GALNT13: variants seen among roughly 807,000 people sequenced by gnomAD.
GALNT13 encodes UDP-GalNAc:polypeptide N-acetylgalactosaminyltransferase 13.
A neutral mutation model predicts 64.2 loss-of-function variants in GALNT13; 28 were observed. The ratio of observed to expected loss-of-function variants is 0.44; its 90% confidence interval spans 0.32 to 0.60. The LOEUF (loss-of-function observed/expected upper bound fraction) is 0.60, where lower values mean the gene tolerates loss of function less well. Among genes scored for constraint, GALNT13 ranks in the 20% least tolerant of loss-of-function variants. The pLI is 0.05. For missense variants in GALNT13, 577 were observed against 669.8 expected (o/e 0.86, Z 1.53); for synonymous variants, 214 against 224.6 (o/e 0.95, Z 0.42).
the GALNT13 span, among the ~76,000 whole-genome samples, chr2:153,601,390 A>G: frequency 6.6e-6 from 1 of 151,854 alleles, no homozygotes; most frequent in East Asian, 1.9e-4. Flanking sequence ...GCAAACTATA[A>G]TAAGAAAGAA....
chr2:154,117,693 A>G (rs534545701), intron 3 of GALNT13, among the ~76,000 whole-genome samples: 1 of 152,302 alleles, frequency 6.6e-6, no homozygotes, highest in African/African-American at 2.4e-5. Flanking sequence ...AAATATTTAC[A>G]GCCAACTGAT....
At chr2:153,282,480 C>G in the GALNT13 span, among the ~76,000 whole-genome samples, 1 of 152,152 alleles carries the variant, frequency 6.6e-6, no homozygotes, top group Non-Finnish European at 1.5e-5. Flanking sequence ...GTGGTGTGGT[C>G]ACAGCTCACT....
chr2:153,687,848 TAAAG>T, the GALNT13 span, among the ~76,000 whole-genome samples: 4 of 151,862 alleles, frequency 2.6e-5, no homozygotes, highest in Admixed American at 6.6e-5. Flanking sequence ...TTACCAAAAA[TAAAG>T]AAAGAAAGTA....
chr2:154,327,539 G>A (rs1694942776), intron 9 of GALNT13, among the ~76,000 whole-genome samples: 2 of 151,918 alleles, frequency 1.3e-5, no homozygotes. Context: ...GTCATCCTTG[G>A]GCCCAACTCT....
the GALNT13 span, among the ~76,000 whole-genome samples, chr2:153,782,938 C>A: frequency 6.6e-6 from 1 of 152,160 alleles, no homozygotes; most frequent in Non-Finnish European, 1.5e-5. Flanking sequence ...TGTCAACACC[C>A]AGGTGAGCGT....
the GALNT13 span, chr2:153,477,732 C>G: frequency 2.6e-5 from 4 of 155,384 alleles, no homozygotes; most frequent in Non-Finnish European, 5.7e-5. Context: ...ATTTATCGCC[C>G]CTCCCCTCCA....
At chr2:153,699,444 G>A in the GALNT13 span, among the ~76,000 whole-genome samples, 30 of 152,030 alleles carry the variant, frequency 2.0e-4, no homozygotes, top group African/African-American at 6.8e-4. Context: ...AGAAGCAAGA[G>A]CAAACAAATC....
chr2:153,803,217 T>C, the GALNT13 span, among the ~76,000 whole-genome samples: 1 of 152,176 alleles, frequency 6.6e-6, no homozygotes. Context: ...CATTGTTTTA[T>C]TTCAAATAGT....
intron 3 of GALNT13, among the ~76,000 whole-genome samples, chr2:154,015,566 T>A (rs915708779): frequency 7.9e-5 from 12 of 152,234 alleles, no homozygotes; most frequent in Non-Finnish European, 1.5e-5. Flanking sequence ...AGTGGACAAC[T>A]TTTCCCATTT....
intron 7 of GALNT13, among the ~76,000 whole-genome samples, chr2:154,249,073 CAA>C (rs904441120): frequency 1.2e-4 from 18 of 152,022 alleles, no homozygotes; most frequent in African/African-American, 3.9e-4. Flanking sequence ...CAACTAGTAG[CAA>C]AGTTACCTGA....
the GALNT13 span, among the ~76,000 whole-genome samples, chr2:153,541,103 C>T: frequency 6.6e-6 from 1 of 152,076 alleles, no homozygotes; most frequent in Non-Finnish European, 1.5e-5. Context: ...CTCCTATAAT[C>T]CCCAGGTGTT....
At chr2:154,182,559 C>T (rs1686017506) in intron 4 of GALNT13, among the ~76,000 whole-genome samples, 1 of 150,970 alleles carries the variant, frequency 6.6e-6, no homozygotes, top group African/African-American at 2.4e-5. Context: ...GGAACCCAAA[C>T]ACTGTTTATG....
chr2:154,231,458 T>G (rs1688910659), intron 4 of GALNT13, among the ~76,000 whole-genome samples: 1 of 152,086 alleles, frequency 6.6e-6, no homozygotes, highest in African/African-American at 2.4e-5. Context: ...GTTTTGTTTT[T>G]ATTTTGGGTT....
the GALNT13 span, among the ~76,000 whole-genome samples, chr2:153,338,929 T>G: frequency 6.6e-6 from 1 of 152,218 alleles, no homozygotes. Context: ...GTCTTCCAAG[T>G]TCATCCACGT....
the GALNT13 span, among the ~76,000 whole-genome samples, chr2:153,123,499 A>C: frequency 2.0e-5 from 3 of 152,218 alleles, no homozygotes; most frequent in African/African-American, 7.2e-5. Flanking sequence ...AATAAGAAGT[A>C]ATAAACATGG....
the GALNT13 span, among the ~76,000 whole-genome samples, chr2:153,716,814 A>G: frequency 2.6e-5 from 4 of 152,344 alleles, no homozygotes; most frequent in Admixed American, 2.0e-4. Context: ...ACTAAAAAAT[A>G]AACAGCTTTA....
rs921387676 is a variant in GALNT13 at position 154,199,893 on chromosome 2, G to C, written c.312-42137G>C. ...TAAGACTTATAATAATCAAGGTTTG[G>C]ATTGAAAGCATAATAAATTATTCAG... On this transcript the variant is annotated intron_variant, in intron 4 of 12. Transcript: ENST00000392825. Among the ~76,000 whole-genome samples the C allele has an allele frequency of 3.3e-5, 5 of 151,836 alleles. 1 individual carries two copies. The South Asian group carries it at 1.0e-3, about 32-fold the overall frequency.
At chr2:153,401,198 A>C in the GALNT13 span, among the ~76,000 whole-genome samples, 11 of 152,216 alleles carry the variant, frequency 7.2e-5, no homozygotes, top group East Asian at 2.1e-3. Context: ...GTAGTCATTC[A>C]GGAGCAGGTT....
intron 12 of GALNT13, chr2:154,446,666 C>T (rs1482375116): frequency 1.3e-6 from 2 of 1,548,454 alleles, no homozygotes; most frequent in Non-Finnish European, 1.7e-6. Flanking sequence ...GTAATGATAG[C>T]ACTTTGCAAA....
Sources: allele counts gnomAD v4.1 joint callset (sites outside exome capture counted in the v4.1 genomes callset), GRCh38; gene constraint gnomAD v4.1.1; transcripts MANE v1.5; gene names NCBI Gene and HGNC (gene_info 2026-07-23, HGNC 2026-07-21).